The following DISP1 variants were observed in gnomAD, a reference collection of about 807,000 sequenced individuals.
DISP1 encodes the protein dispatched RND transporter family member 1.
DISP1 carries 30 observed loss-of-function variants against 37.3 expected under a neutral mutation model. That is an observed-to-expected ratio of 0.80 (90% CI 0.60 to 1.09). DISP1 has a LOEUF of 1.09. Ranked by LOEUF, DISP1 falls within the 50% of genes least tolerant of loss-of-function variation. The pLI, the probability that DISP1 is intolerant of heterozygous loss-of-function variation, is 0.00. For missense variants in DISP1, 1,598 were observed against 1,879.5 expected (o/e 0.85, Z 2.77); for synonymous variants, 634 against 690.2 (o/e 0.92, Z 1.28).
At chr1:222,936,831 A>ATTTATATATCATATAT (rs1275226318) in intron 2 of DISP1, among the ~76,000 whole-genome samples, 1 of 23,110 alleles carries the variant, frequency 4.3e-5, no homozygotes, top group Admixed American at 6.0e-4. Context: ...AATATATATA[A>ATTTATATATCATATAT]ATTATATATA....
At chr1:222,880,209 AAGC>A (rs1670200517) in intron 1 of DISP1, among the ~76,000 whole-genome samples, 1 of 152,176 alleles carries the variant, frequency 6.6e-6, no homozygotes, top group Non-Finnish European at 1.5e-5. Context: ...AGTGGAGAAA[AAGC>A]AGGATGTACA....
In DISP1 at chr1:223,003,970, A is replaced by G. The variant is rs747150584; in HGVS notation, c.2573A>G (p.Gln858Arg). The G allele has an allele frequency of 5.6e-6, 9 of 1,614,188 alleles. No homozygotes were observed. Among genetic ancestry groups the G allele is most frequent in the Middle Eastern group, 1.6e-4 (1 of 6,062 alleles). ...AGCTGCTTCATTGAGACATTCAAAC[A>G]GTGGATGGAAAACCAGGACTGTGAT... ...FTSCFIETFKQWMENQDCDEP... is the reference protein window; with the variant it reads ...FTSCFIETFKRWMENQDCDEP... Residue 858 changes from glutamine (Q) to arginine (R), a missense_variant, in exon 9 of 9, where the codon CAG becomes CGG. Transcript: ENST00000675850. This position sits in a 1 kb window ranked among gnomAD's most constrained non-coding sequence, Gnocchi z 4.3.
intron 1 of DISP1, among the ~76,000 whole-genome samples, chr1:222,859,632 G>A (rs1034649965): frequency 1.3e-5 from 2 of 152,232 alleles, no homozygotes; most frequent in African/African-American, 4.8e-5. Flanking sequence ...TTCAGTAGAA[G>A]TGTTGGGAGA....
intron 3 of DISP1, among the ~76,000 whole-genome samples, chr1:222,978,395 G>A (rs1338315315): frequency 6.6e-6 from 1 of 152,012 alleles, no homozygotes; most frequent in Non-Finnish European, 1.5e-5. Context: ...AAATTTGTTT[G>A]AGTTCATTGT....
chr1:222,907,528 C>T (rs894564964), intron 1 of DISP1, among the ~76,000 whole-genome samples: 6 of 152,054 alleles, frequency 3.9e-5, no homozygotes, highest in Admixed American at 2.0e-4. Context: ...ATTCTGATAT[C>T]CTTAGGCTAA....
intron 1 of DISP1, among the ~76,000 whole-genome samples, chr1:222,892,454 G>A (rs1670993891): frequency 6.6e-6 from 1 of 152,186 alleles, no homozygotes; most frequent in African/African-American, 2.4e-5. Flanking sequence ...TGATTCCAGT[G>A]AGTGGTGTCC....
chr1:222,920,655 T>C (rs1468405704), intron 1 of DISP1, among the ~76,000 whole-genome samples: 1 of 152,162 alleles, frequency 6.6e-6, no homozygotes, highest in Admixed American at 6.5e-5. Context: ...TTCTTTATAG[T>C]AATTTTTTGG....
chr1:222,845,670 G>A (rs1407749920), intron 1 of DISP1, among the ~76,000 whole-genome samples: 2 of 152,064 alleles, frequency 1.3e-5, no homozygotes, highest in Non-Finnish European at 2.9e-5. Flanking sequence ...TATTTATTAT[G>A]ACTGTGAACT....
chr1:222,892,659 A>G (rs537621837), intron 1 of DISP1, among the ~76,000 whole-genome samples: 1 of 152,370 alleles, frequency 6.6e-6, no homozygotes, highest in East Asian at 1.9e-4. Flanking sequence ...TTTTGACAGA[A>G]TAAATGCAAG....
At chr1:222,871,785 C>T (rs1669598331) in intron 1 of DISP1, among the ~76,000 whole-genome samples, 1 of 152,166 alleles carries the variant, frequency 6.6e-6, no homozygotes, top group Non-Finnish European at 1.5e-5. Context: ...TTATTTCCTT[C>T]TCCTGCCTGA....
intron 6 of DISP1, among the ~76,000 whole-genome samples, 171 bp downstream of exon 6, chr1:222,991,818 G>A (rs576174967): frequency 3.3e-5 from 5 of 152,154 alleles, no homozygotes; most frequent in Non-Finnish European, 5.9e-5. Context: ...GTAGTAGGAT[G>A]AAAAGGTGAG....
chr1:222,934,172 A>G (rs17011844), intron 2 of DISP1, among the ~76,000 whole-genome samples: 24,457 of 151,970 alleles, frequency 0.16, 2,361 homozygotes, highest in Middle Eastern at 0.29. Context: ...TGGACTTGGC[A>G]TTGCTCTAGA....
chr1:222,939,789 C>T (rs1674242938), intron 2 of DISP1, among the ~76,000 whole-genome samples: 1 of 149,566 alleles, frequency 6.7e-6, no homozygotes, highest in Non-Finnish European at 1.5e-5. Context: ...GCCAAGATTA[C>T]ACCACTTCAC....
At chr1:222,881,749 G>A (rs1670297203) in intron 1 of DISP1, among the ~76,000 whole-genome samples, 1 of 152,078 alleles carries the variant, frequency 6.6e-6, no homozygotes, top group Non-Finnish European at 1.5e-5. Flanking sequence ...AGATTTTTAC[G>A]GGTCATTTTT....
rs1319512173 is a variant in DISP1 at position 222,968,558 on chromosome 1, G to A, written c.510-14522G>A. 2.0e-5 allele frequency among the ~76,000 whole-genome samples: 3 copies of A among 152,182 alleles called. No individual in the cohort carries two copies. In the East Asian group the frequency reaches 5.8e-4, roughly 29 times the overall value. Reference sequence around the variant, plus strand: ...AATTCAATCCCATAGCTGCACAAGTGTGCCATGATTAGCTATTATTTTTAC... The same window carrying A: ...AATTCAATCCCATAGCTGCACAAGTATGCCATGATTAGCTATTATTTTTAC... On this transcript the variant is annotated intron_variant, in intron 3 of 8. Coordinates refer to ENST00000675850, the MANE Select transcript of DISP1 (RefSeq NM_001377229.1).
At chr1:222,847,240 A>C (rs1316758861) in intron 1 of DISP1, among the ~76,000 whole-genome samples, 1 of 152,178 alleles carries the variant, frequency 6.6e-6, no homozygotes, top group East Asian at 1.9e-4. Flanking sequence ...GTTATTTGAG[A>C]ACTTTCTTAA....
intron 1 of DISP1, among the ~76,000 whole-genome samples, chr1:222,862,433 C>T (rs34596963): frequency 0.2 from 29,897 of 151,176 alleles, 3,508 homozygotes; most frequent in Non-Finnish European, 0.26. Context: ...AGTAAACTTA[C>T]GAAAATCTAG....
chr1:222,932,520 C>A (rs1572539801), intron 2 of DISP1, among the ~76,000 whole-genome samples: 1 of 151,834 alleles, frequency 6.6e-6, no homozygotes, highest in African/African-American at 2.4e-5. Flanking sequence ...TTTAAAGTGA[C>A]CATTGTTTGA....
intron 1 of DISP1, among the ~76,000 whole-genome samples, chr1:222,875,516 G>T (rs1197078965): frequency 6.6e-6 from 1 of 151,780 alleles, no homozygotes; most frequent in Non-Finnish European, 1.5e-5. Context: ...GAGAATTTTA[G>T]ATAGAAAATA....
Sources: allele counts gnomAD v4.1 joint callset (sites outside exome capture counted in the v4.1 genomes callset), GRCh38; gene constraint gnomAD v4.1.1; non-coding constraint Gnocchi (gnomAD v3.1); transcripts MANE v1.5; gene names NCBI Gene and HGNC (gene_info 2026-07-23, HGNC 2026-07-21).